SUSD4: variants seen among roughly 807,000 people sequenced by gnomAD.
The protein encoded by SUSD4 is sushi domain containing 4.
In SUSD4, 41 loss-of-function variants were observed where a neutral mutation model predicts 50.5. The ratio of observed to expected loss-of-function variants is 0.81; its 90% CI spans 0.63 to 1.05. The LOEUF (loss-of-function observed/expected upper bound fraction) is 1.05. Ranked by LOEUF, SUSD4 falls within the 50% of genes least tolerant of loss-of-function variation. The pLI, the probability that SUSD4 is intolerant of heterozygous loss-of-function variation, is 0.00. For missense variants in SUSD4, 580 were observed against 634.7 expected (o/e 0.91, Z 0.93); for synonymous variants, 257 against 257.3 (o/e 1.00, Z 0.01).
At chr1:223,345,640 G>T (rs555707782) in intron 2 of SUSD4, among the ~76,000 whole-genome samples, 1 of 152,200 alleles carries the variant, frequency 6.6e-6, no homozygotes, top group East Asian at 1.9e-4. Flanking sequence ...TAACGCCGAC[G>T]TCCGGCTTTC....
intron 4 of SUSD4, among the ~76,000 whole-genome samples, chr1:223,267,799 A>C (rs935792971): frequency 2.6e-5 from 4 of 151,682 alleles, no homozygotes; most frequent in African/African-American, 9.7e-5. Flanking sequence ...TTCTCCCTCA[A>C]ATTATGAATT....
chr1:223,364,527 C>G (rs1669206798), upstream of SUSD4, among the ~76,000 whole-genome samples: 1 of 149,746 alleles, frequency 6.7e-6, no homozygotes, highest in African/African-American at 2.4e-5. This position sits in a 1 kb window ranked among gnomAD's most constrained non-coding sequence, Gnocchi z 4.5. Flanking sequence ...CTGCACCTGT[C>G]GGGGCGCGAG....
rs368036291 is a variant in SUSD4 at position 223,223,521 on chromosome 1, C to A, written c.1172G>T (p.Gly391Val). 3.1e-6 allele frequency: 5 copies of A among 1,612,764 alleles called. No homozygotes were observed. The East Asian group carries it at 8.9e-5, about 29-fold the overall frequency. ...EAVSGGLSAL[G>V]PGYMASVGQG... ...GCCCACAGAGGCCATGTACCCGGGGCCTAAGGCACTCAAGCCGCCACTCAC... is the reference window on the plus strand; with the variant it reads ...GCCCACAGAGGCCATGTACCCGGGGACTAAGGCACTCAAGCCGCCACTCAC... Residue 391 changes from glycine (G) to valine (V), a missense_variant, in exon 8 of 9, where the codon GGC becomes GTC. Gly to Val is a moderately radical substitution (Grantham distance 109, BLOSUM62 -3). Coordinates refer to ENST00000366878, the MANE Select transcript of SUSD4 (RefSeq NM_017982.4).
chr1:223,308,829 T>C (rs142103708), intron 2 of SUSD4, among the ~76,000 whole-genome samples: 111 of 152,274 alleles, frequency 7.3e-4, no homozygotes, highest in Middle Eastern at 3.4e-3. Context: ...TGCAATACTT[T>C]GCCCCCTACT....
intron 2 of SUSD4, among the ~76,000 whole-genome samples, chr1:223,300,163 C>A (rs1226809183): frequency 6.6e-6 from 1 of 152,078 alleles, no homozygotes; most frequent in African/African-American, 2.4e-5. Context: ...GCCTGCAGTA[C>A]CCCCTGGGGC....
Position 223,253,821 on chromosome 1 carries a change from C to T in SUSD4, c.724+10809G>A, listed in dbSNP as rs544114112. Reference sequence around the variant, plus strand: ...AACACTGAGAATCTCCCATTTGTACCGGTCATCTATTTTCTGAGCATAATG... The same window carrying T: ...AACACTGAGAATCTCCCATTTGTACTGGTCATCTATTTTCTGAGCATAATG... On this transcript the variant is annotated intron_variant, in intron 5 of 8. Coordinates refer to ENST00000366878, the MANE Select transcript of SUSD4 (RefSeq NM_017982.4). 8.5e-5 allele frequency among the ~76,000 whole-genome samples: 13 copies of T among 152,282 alleles called. 1 individual carries two copies. The South Asian group carries it at 1.7e-3, about 19-fold the overall frequency.
At chr1:223,333,883 C>T (rs764192631) in intron 2 of SUSD4, among the ~76,000 whole-genome samples, 8 of 152,134 alleles carry the variant, frequency 5.3e-5, no homozygotes, top group Non-Finnish European at 1.0e-4. Flanking sequence ...TCGGAGAAAA[C>T]GAAAAGCCTT....
Position 223,320,672 on chromosome 1 carries a change from A to G in SUSD4, c.149-28021T>C, listed in dbSNP as rs572235533. ...GAAGCTGTGGGATCCAGTACCCTGCAGCTCACACAGGAAGAGGGACACCTC... is the reference window on the plus strand; with the variant it reads ...GAAGCTGTGGGATCCAGTACCCTGCGGCTCACACAGGAAGAGGGACACCTC... On this transcript the variant is annotated intron_variant, in intron 2 of 8. Transcript: ENST00000366878. Among the ~76,000 whole-genome samples, 14 of 152,338 alleles carry G rather than the reference A, an allele frequency of 9.2e-5. 1 individual carries two copies. The East Asian group carries it at 2.5e-3, about 27-fold the overall frequency.
chr1:223,264,476 C>T (rs973561071), intron 5 of SUSD4, 154 bp downstream of exon 5: 58 of 1,372,780 alleles, frequency 4.2e-5, no homozygotes, highest in Admixed American at 4.1e-4. Flanking sequence ...TATGGCTTCA[C>T]GGCAGCTGAT....
intron 2 of SUSD4, among the ~76,000 whole-genome samples, chr1:223,312,765 C>G (rs192756957): frequency 2.9e-3 from 440 of 152,208 alleles, no homozygotes; most frequent in Non-Finnish European, 5.4e-3. Flanking sequence ...AAGGAAAATC[C>G]CTACATTCTC....
intron 5 of SUSD4, among the ~76,000 whole-genome samples, chr1:223,257,396 A>G (rs1661774448): frequency 6.6e-6 from 1 of 152,128 alleles, no homozygotes; most frequent in African/African-American, 2.4e-5. Flanking sequence ...AAGGGAGTGA[A>G]GATCAAGTGG....
At chr1:223,268,792 A>T (rs1292026328) in intron 3 of SUSD4, 117 bp from the exon 4 acceptor site, 1 of 1,032,148 alleles carries the variant, frequency 9.7e-7, no homozygotes, top group Non-Finnish European at 1.4e-6. Flanking sequence ...GCAATCTGAT[A>T]AATGGTACCT....
intron 4 of SUSD4, among the ~76,000 whole-genome samples, chr1:223,266,739 G>A (rs548932373): frequency 1.3e-5 from 2 of 152,336 alleles, no homozygotes; most frequent in Admixed American, 6.5e-5. Flanking sequence ...GGATCTATAG[G>A]TGCAAATACA....
At chr1:223,298,837 A>G (rs919644014) in intron 2 of SUSD4, among the ~76,000 whole-genome samples, 1 of 152,210 alleles carries the variant, frequency 6.6e-6, no homozygotes, top group Non-Finnish European at 1.5e-5. Context: ...TTCCCTTTAA[A>G]AGAACATTCC....
At chr1:223,321,477 T>A (rs1666569433) in intron 2 of SUSD4, among the ~76,000 whole-genome samples, 1 of 152,344 alleles carries the variant, frequency 6.6e-6, no homozygotes, top group African/African-American at 2.4e-5. Flanking sequence ...TGGTAAGTAA[T>A]CAATATCTGT....
intron 2 of SUSD4, among the ~76,000 whole-genome samples, chr1:223,333,109 G>A (rs1199689082): frequency 6.6e-6 from 1 of 152,012 alleles, no homozygotes; most frequent in Non-Finnish European, 1.5e-5. Context: ...AAAGAAACCC[G>A]CCAATCCAGG....
chr1:223,260,628 T>C (rs1285076511), intron 5 of SUSD4, among the ~76,000 whole-genome samples: 1 of 152,190 alleles, frequency 6.6e-6, no homozygotes, highest in African/African-American at 2.4e-5. Flanking sequence ...TCCAATTTTA[T>C]ACAGTCATTG....
intron 7 of SUSD4, among the ~76,000 whole-genome samples, chr1:223,224,845 T>C (rs1003057492): frequency 2.1e-5 from 3 of 146,338 alleles, no homozygotes; most frequent in Admixed American, 6.8e-5. Context: ...AAGTAGCCAA[T>C]AGAACTTGGT....
Position 223,291,917 on chromosome 1 carries a change from C to T in SUSD4, c.361+522G>A, listed in dbSNP as rs556311870. 1.5e-4 allele frequency among the ~76,000 whole-genome samples: 23 copies of T among 152,302 alleles called. No homozygotes were observed. The South Asian group carries it at 4.6e-3, about 30-fold the overall frequency. ...AATGAATATCTTGTCACTACCAATA[C>T]ATTTAGGGATAATTGCTAGAAATAA... On this transcript the variant is annotated intron_variant, in intron 3 of 8. Coordinates refer to ENST00000366878, the MANE Select transcript of SUSD4 (RefSeq NM_017982.4).
Sources: gnomAD v4.1 joint callset for allele counts (sites outside exome capture counted in the v4.1 genomes callset) on GRCh38, gnomAD v4.1.1 for gene constraint, Gnocchi (gnomAD v3.1) non-coding constraint, MANE v1.5 for transcripts, NCBI Gene and HGNC (gene_info 2026-07-23, HGNC 2026-07-21) for gene names.